Variants in ADA observed in about 807,000 individuals in gnomAD.
ADA encodes adenosine deaminase, also known as adenosine aminohydrolase.
A neutral mutation model predicts 49.0 loss-of-function variants in ADA; 45 were observed. The ratio of observed to expected loss-of-function variants is 0.92; its 90% CI spans 0.72 to 1.18. The LOEUF is 1.18. ADA is among the 50% of genes most tolerant of loss of function. The pLI is 0.00. For synonymous variants in ADA, 173 were observed against 184.2 expected, an observed-to-expected ratio of 0.94 and a Z score of 0.49; for missense variants, 445 against 472.5, an observed-to-expected ratio of 0.94 and a Z score of 0.54.
chr20:44,645,372 A>G (rs1344462193), intron 1 of ADA, among the ~76,000 whole-genome samples: 1 of 151,578 alleles, frequency 6.6e-6, no homozygotes, highest in Non-Finnish European at 1.5e-5. Flanking sequence ...AAAAAAAAAA[A>G]AAAAAAGTCA....
At chr20:44,632,599 A>C (rs1022619632) in intron 2 of ADA, among the ~76,000 whole-genome samples, 5 of 152,202 alleles carry the variant, frequency 3.3e-5, no homozygotes, top group African/African-American at 1.2e-4. Context: ...AAGTTGAAGC[A>C]GGAAAGAGCT....
chr20:44,620,280 A>G lies in ADA; in HGVS notation c.1078+19T>C. 6.2e-7 allele frequency: 1 copy of G among 1,607,780 alleles called. No individual in the cohort carries two copies. The highest frequency in any genetic ancestry group is 8.5e-7 in the Non-Finnish European group (1 of 1,174,592). The stretch of plus-strand genomic sequence containing the variant: ...GGCCAGGACAGGGCAACTGCCCAGA[A>G]GCCCAGACAGGAACCTACCTGCAGA... On this transcript the variant is annotated intron_variant, in intron 11 of 11. Transcript: ENST00000372874.
Position 44,623,049 on chromosome 20 carries a change from A to G in ADA, c.636T>C (p.Thr212=), listed in dbSNP as rs771173826. 3.1e-6 allele frequency: 5 copies of G among 1,614,014 alleles called. No individual in the cohort carries two copies. The highest frequency in any genetic ancestry group is 1.3e-5 in the African/African-American group (1 of 74,928). ...CCGAGCCCACCTCCCCGGCGTGGAC[A>G]GTACGGTGAATGCCGCTCTTCACAG... ...QEAVKSGIHR[T]VHAGEVGSAE... is the part of the protein sequence containing the mutation. The change falls in exon 7 of 12, where the codon ACT becomes ACC. Residue 212 remains threonine (T), a synonymous_variant. Coordinates refer to ENST00000372874, the MANE Select transcript of ADA (RefSeq NM_000022.4).
At position 44,619,830 on chromosome 20, in the gene ADA, G is replaced by A. The variant is rs183914222; in HGVS notation, c.*4C>T. On this transcript the variant is annotated 3_prime_UTR_variant, in exon 12 of 12. Coordinates refer to ENST00000372874, the MANE Select transcript of ADA (RefSeq NM_000022.4). ...CAGGGTGAAGGCTTGGAGGAGTGGCGTCTTCAGAGGTTCTGCCCTGCTCGT... is the reference window on the plus strand; with the variant it reads ...CAGGGTGAAGGCTTGGAGGAGTGGCATCTTCAGAGGTTCTGCCCTGCTCGT... 843 of 1,614,148 alleles carry A rather than the reference G, an allele frequency of 5.2e-4. 4 individuals carry two copies. The highest frequency in any genetic ancestry group is 4.1e-4 in the South Asian group (37 of 91,082).
Position 44,623,059 on chromosome 20 carries a change from A to G in ADA, c.626T>C (p.Ile209Thr). ...QAYQEAVKSG[I>T]HRTVHAGEVG... ...CTCCCCGGCGTGGACAGTACGGTGAATGCCGCTCTTCACAGCCTCCTGGAA... is the reference window on the plus strand; with the variant it reads ...CTCCCCGGCGTGGACAGTACGGTGAGTGCCGCTCTTCACAGCCTCCTGGAA... The change falls in exon 7 of 12, where the codon ATT (isoleucine) becomes ACT (threonine). Residue 209 changes from isoleucine to threonine, a missense_variant. By Grantham distance (89) the Ile-to-Thr change is moderately conservative. Transcript: ENST00000372874. 3 of 1,614,044 alleles carry G rather than the reference A, an allele frequency of 1.9e-6. No individual in the cohort carries two copies. Among genetic ancestry groups the G allele is most frequent in the Non-Finnish European group, 2.5e-6 (3 of 1,179,936 alleles).
At chr20:44,646,280 C>T (rs186692839) in intron 1 of ADA, among the ~76,000 whole-genome samples, 34 of 150,964 alleles carry the variant, frequency 2.3e-4, no homozygotes, top group Admixed American at 1.1e-3. Flanking sequence ...AAGCAAAAGG[C>T]TTCGATGAAA....
At position 44,629,060 on chromosome 20, in the gene ADA, T is replaced by C; in HGVS notation, c.205A>G (p.Met69Val). The C allele has an allele frequency of 6.2e-7, 1 of 1,614,140 alleles. No homozygotes were observed. The highest frequency in any genetic ancestry group is 1.6e-4 in the Middle Eastern group (1 of 6,062). Residue 69 changes from methionine (M) to valine (V), a missense_variant, in exon 3 of 12, where the codon ATG (methionine) becomes GTG (valine). Coordinates refer to ENST00000372874, the MANE Select transcript of ADA (RefSeq NM_000022.4). ...PDFLAKFDYY[M>V]PAIAGCREAI... ...GGGGCAACTCACGCGATAGCAGGCA[T>C]GTAGTAGTCAAACTTGGCCAGGAAG...
intron 4 of ADA, among the ~76,000 whole-genome samples, 190 bp from the exon 5 acceptor site, chr20:44,625,874 G>T (rs2065377944): frequency 6.6e-6 from 1 of 152,210 alleles, no homozygotes; most frequent in Non-Finnish European, 1.5e-5. Flanking sequence ...TCTTAAAGCA[G>T]CTGGGTGCTC....
At chr20:44,644,104 A>C (rs138349019) in intron 1 of ADA, among the ~76,000 whole-genome samples, 67 of 141,466 alleles carry the variant, frequency 4.7e-4, no homozygotes, top group Non-Finnish European at 9.0e-4. Flanking sequence ...AAACCTAGTC[A>C]GATTAGTTCT....
rs146109131 is a variant in ADA at position 44,619,542 on chromosome 20, C to G, written c.*292G>C. 2.3e-6 allele frequency: 1 copy of G among 428,164 alleles called. No individual in the cohort carries two copies. Among genetic ancestry groups the G allele is most frequent in the Non-Finnish European group, 4.3e-6 (1 of 229,900 alleles). The allele number at this position is 428,164 out of a possible 1,614,324, so 26.5% of individuals were successfully genotyped here. ...CCTGCTGCATGCCACCAGCCATGGG[C>G]TTCTTTATTGAGCACCAGATTTTCA... On this transcript the variant is annotated 3_prime_UTR_variant, in exon 12 of 12. Coordinates refer to ENST00000372874, the MANE Select transcript of ADA (RefSeq NM_000022.4).
intron 5 of ADA, among the ~76,000 whole-genome samples, chr20:44,624,924 A>G (rs2065367887): frequency 6.6e-6 from 1 of 152,224 alleles, no homozygotes. Context: ...TCATCTGTCA[A>G]ATGGGACTAA....
At position 44,620,473 on chromosome 20, in the gene ADA, A is replaced by G. The variant is rs1055277659; in HGVS notation, c.976-72T>C. On this transcript the variant is annotated intron_variant, in intron 10 of 11. Transcript: ENST00000372874. ...AGGCAGCTCTTAGCAATGTAGTGATAGTCCATCCTCTTCACTCAACATGGG... is the reference window on the plus strand; with the variant it reads ...AGGCAGCTCTTAGCAATGTAGTGATGGTCCATCCTCTTCACTCAACATGGG... The G allele has an allele frequency of 3.9e-5, 49 of 1,267,210 alleles. No homozygotes were observed. In the African/African-American group the frequency reaches 4.1e-4, roughly 11 times the overall value. The allele number at this position is 1,267,210 out of a possible 1,614,324, so 78.5% of individuals were successfully genotyped here.
At chr20:44,620,239 CAGAA>C (rs2065315533) in intron 11 of ADA, 56 bp downstream of exon 11, 1 of 1,452,426 alleles carries the variant, frequency 6.9e-7, no homozygotes, top group Non-Finnish European at 9.7e-7. Context: ...AGAAGTCCCA[CAGAA>C]AGCCACACTG....
chr20:44,650,601 T>G (rs1208049910), intron 1 of ADA, among the ~76,000 whole-genome samples: 3 of 140,846 alleles, frequency 2.1e-5, no homozygotes, highest in Non-Finnish European at 4.4e-5. Context: ...TTCCCCTAAC[T>G]TTTTTTATTT....
intron 2 of ADA, among the ~76,000 whole-genome samples, chr20:44,635,214 C>T (rs1763087947): frequency 1.3e-5 from 2 of 152,196 alleles, no homozygotes; most frequent in Non-Finnish European, 2.9e-5. Context: ...CGCTGGGGAA[C>T]AGGGGGACCC....
intron 1 of ADA, among the ~76,000 whole-genome samples, chr20:44,649,863 G>A (rs939153356): frequency 2.0e-5 from 3 of 151,052 alleles, no homozygotes; most frequent in East Asian, 2.0e-4. Context: ...AGCCTTCTGC[G>A]TAGCTGGGAC....
intron 1 of ADA, among the ~76,000 whole-genome samples, chr20:44,647,618 C>T (rs890031826): frequency 3.3e-5 from 5 of 151,784 alleles, no homozygotes; most frequent in Admixed American, 6.6e-5. Flanking sequence ...CAGAGGATTC[C>T]GTGAGATAAA....
At chr20:44,640,167 A>G (rs2065518333) in intron 1 of ADA, among the ~76,000 whole-genome samples, 2 of 151,990 alleles carry the variant, frequency 1.3e-5, no homozygotes, top group African/African-American at 4.8e-5. Context: ...TAATCCCAAC[A>G]CTTTGGGAGG....
In ADA at chr20:44,619,728, A is replaced by T; in HGVS notation, c.*106T>A. ...TAGGGTTCAGGAGCATCAGTAACTG[A>T]CTATTGAGATCATGGTCTTCTTGGA... is the stretch of plus-strand genomic sequence containing the variant. On this transcript the variant is annotated 3_prime_UTR_variant, in exon 12 of 12. Transcript: ENST00000372874. 6.9e-7 allele frequency: 1 copy of T among 1,448,018 alleles called. No homozygotes were observed. Among genetic ancestry groups the T allele is most frequent in the Non-Finnish European group, 9.7e-7 (1 of 1,030,086 alleles). 89.7% of individuals were successfully genotyped at this position (1,448,018 alleles called of 1,614,324 possible). A position where few individuals can be genotyped will look rare whatever the true frequency, so the allele number is the denominator to read the frequency against.
Sources: allele counts gnomAD v4.1 joint callset (sites outside exome capture counted in the v4.1 genomes callset), GRCh38; gene constraint gnomAD v4.1.1; transcripts MANE v1.5; gene names NCBI Gene and HGNC (gene_info 2026-07-23, HGNC 2026-07-21).